USP13: variants seen among roughly 807,000 people sequenced by gnomAD.
USP13 encodes the protein ubiquitin specific peptidase 13.
In USP13, 68 loss-of-function variants were observed where a neutral mutation model predicts 107.8. The observed-to-expected ratio is 0.63, with a 90% CI of 0.52 to 0.77. The LOEUF (loss-of-function observed/expected upper bound fraction) is 0.77, where lower values mean the gene tolerates loss of function less well. Among genes scored for constraint, USP13 ranks in the 30% least tolerant of loss-of-function variants. The pLI is 0.00. For synonymous variants in USP13, 377 were observed against 389.5 expected (o/e 0.97, Z 0.38); for missense variants, 945 against 1,093.3 (o/e 0.86, Z 1.91).
chr3:179,757,365 A>T (rs1298057250), intron 16 of USP13, among the ~76,000 whole-genome samples: 1 of 152,150 alleles, frequency 6.6e-6, no homozygotes, highest in Non-Finnish European at 1.5e-5. Flanking sequence ...TCTGAGCCCC[A>T]GTTTCCTCAT....
At chr3:179,686,597 C>T (rs367551665) in intron 2 of USP13, among the ~76,000 whole-genome samples, 14 of 152,156 alleles carry the variant, frequency 9.2e-5, no homozygotes, top group South Asian at 2.1e-4. Flanking sequence ...ACAAAACCAA[C>T]GCCACACAAC....
intron 17 of USP13, 22 bp downstream of exon 17, chr3:179,761,277 T>A (rs1415713414): frequency 6.2e-7 from 1 of 1,613,778 alleles, no homozygotes; most frequent in African/African-American, 1.3e-5. Flanking sequence ...GAAAATGGAA[T>A]GGCTTTGGAG....
rs1428345751 is a variant in USP13 at position 179,653,082 on chromosome 3, C to A, written c.-144C>A. Reference sequence around the variant, plus strand: ...CGGTGCCCGCTCCCGCCCCGCAGCCCGCTCTCCCCGCCCGCCCCGGCTCGG... The same window carrying A: ...CGGTGCCCGCTCCCGCCCCGCAGCCAGCTCTCCCCGCCCGCCCCGGCTCGG... On this transcript the variant is annotated 5_prime_UTR_variant, in exon 1 of 21. Coordinates refer to ENST00000263966, the MANE Select transcript of USP13 (RefSeq NM_003940.3). This position sits in a 1 kb window ranked among gnomAD's most constrained non-coding sequence, Gnocchi z 4.0. The A allele has an allele frequency of 1.4e-6, 1 of 690,864 alleles. No homozygotes were observed. Among genetic ancestry groups the A allele is most frequent in the Non-Finnish European group, 1.8e-6 (1 of 562,142 alleles). The allele number at this position is 690,864 out of a possible 1,614,324, so 42.8% of individuals were successfully genotyped here.
intron 1 of USP13, among the ~76,000 whole-genome samples, chr3:179,673,375 G>A (rs1056096674): frequency 7.2e-6 from 1 of 138,184 alleles, no homozygotes; most frequent in African/African-American, 2.8e-5. Flanking sequence ...TTGGGATTCA[G>A]TGGTGAATAT....
chr3:179,681,972 T>C lies in USP13; in HGVS notation c.263T>C (p.Val88Ala). Residue 88 changes from valine (V) to alanine (A), a missense_variant, in exon 2 of 21, where the codon GTA becomes GCA. By Grantham distance (64) the Val-to-Ala change is moderately conservative. Coordinates refer to ENST00000263966, the MANE Select transcript of USP13 (RefSeq NM_003940.3). The stretch of plus-strand genomic sequence containing the variant: ...CATTTTCGAAAAACTGGACAGAGTG[T>C]ATACATGCACCTGAAAAGACATGTG... ...ERHFRKTGQS[V>A]YMHLKRHVRE... 6.2e-7 allele frequency: 1 copy of C among 1,613,992 alleles called. No individual in the cohort carries two copies. The highest frequency in any genetic ancestry group is 8.5e-7 in the Non-Finnish European group (1 of 1,179,934).
intron 1 of USP13, among the ~76,000 whole-genome samples, chr3:179,668,375 A>G (rs140583319): frequency 3.3e-5 from 5 of 152,160 alleles, no homozygotes; most frequent in Non-Finnish European, 7.3e-5. Context: ...AGTAAGGCCT[A>G]TACTCTCCTG....
chr3:179,680,754 G>C (rs1043117503), intron 1 of USP13, among the ~76,000 whole-genome samples: 1 of 152,076 alleles, frequency 6.6e-6, no homozygotes, highest in African/African-American at 2.4e-5. Flanking sequence ...TGTTGGCCAG[G>C]CTGTTCTTGA....
rs758009109 is a variant in USP13 at position 179,764,037 on chromosome 3, G to C, written c.2128G>C (p.Gly710Arg). ...AEPLTMPGYG[G>R]AASAGASVFG... Reference sequence around the variant, plus strand: ...GCCGCTGACCATGCCTGGTTATGGAGGGGCAGCTTCTGCTGGAGCCTCTGT... The same window carrying C: ...GCCGCTGACCATGCCTGGTTATGGACGGGCAGCTTCTGCTGGAGCCTCTGT... The change falls in exon 18 of 21, where the codon GGG (glycine) becomes CGG (arginine). Residue 710 changes from glycine to arginine, a missense_variant. Gly to Arg is a moderately radical substitution (Grantham distance 125, BLOSUM62 -2). Coordinates refer to ENST00000263966, the MANE Select transcript of USP13 (RefSeq NM_003940.3). 6 of 1,613,850 alleles carry C rather than the reference G, an allele frequency of 3.7e-6. No homozygotes were observed. Among genetic ancestry groups the C allele is most frequent in the Non-Finnish European group, 5.1e-6 (6 of 1,179,928 alleles).
intron 8 of USP13, among the ~76,000 whole-genome samples, chr3:179,724,416 C>T (rs1713438427): frequency 7.0e-6 from 1 of 142,836 alleles, no homozygotes; most frequent in African/African-American, 2.7e-5. Flanking sequence ...CGAGATTGCT[C>T]TACTGCACTC....
chr3:179,727,184 T>TTA (rs1491526974), intron 8 of USP13, among the ~76,000 whole-genome samples: 1 of 125,706 alleles, frequency 8.0e-6, no homozygotes, highest in African/African-American at 3.3e-5. Context: ...TTTTTTTTTT[T>TTA]AATTGATCAT....
chr3:179,782,287 C>T (rs1247381558), intron 20 of USP13, among the ~76,000 whole-genome samples: 2 of 152,184 alleles, frequency 1.3e-5, no homozygotes, highest in Admixed American at 1.3e-4. Flanking sequence ...CATGCTTCTA[C>T]TGAAATTTCT....
chr3:179,744,697 ATCC>A (rs1243662411), intron 12 of USP13, among the ~76,000 whole-genome samples: 1 of 152,198 alleles, frequency 6.6e-6, no homozygotes, highest in Non-Finnish European at 1.5e-5. Context: ...CATTTGAATA[ATCC>A]CAGTATTGGC....
In USP13 at chr3:179,742,337, G is replaced by A. The variant is rs201509551; in HGVS notation, c.1521G>A (p.Ala507=). The change falls in exon 12 of 21, where the codon GCG becomes GCA. Residue 507 remains alanine, a synonymous_variant. Coordinates refer to ENST00000263966, the MANE Select transcript of USP13 (RefSeq NM_003940.3). The surrounding 1 kb of genome is among the most constrained non-coding windows in gnomAD (Gnocchi z 5.0). ...YLMQLPVAME[A]ATNKDELIAY... ...TGCAGTTACCTGTGGCCATGGAGGC[G>A]GCAACCAACAAGGGTAACAATTCCA... 47 of 1,614,154 alleles carry A rather than the reference G, an allele frequency of 2.9e-5. No homozygotes were observed. The East Asian group carries it at 4.7e-4, about 16-fold the overall frequency.
In USP13 at chr3:179,761,202, A is replaced by G. The variant is rs148697387; in HGVS notation, c.2039A>G (p.Asn680Ser). The stretch of plus-strand genomic sequence containing the variant: ...CGCAAGGCTGTGTACTTCACTGGAA[A>G]TATGGGCGCCGAGGTGGCCTTCAAC... ...ACRKAVYFTG[N>S]MGAEVAFNWI... The change falls in exon 17 of 21, where the codon AAT becomes AGT. Residue 680 changes from asparagine (N) to serine (S), a missense_variant. Coordinates refer to ENST00000263966, the MANE Select transcript of USP13 (RefSeq NM_003940.3). 1 of 1,614,192 alleles carries G rather than the reference A, an allele frequency of 6.2e-7. No homozygotes were observed. The highest frequency in any genetic ancestry group is 8.5e-7 in the Non-Finnish European group (1 of 1,180,040).
Position 179,730,221 on chromosome 3 carries a change from A to G in USP13, c.1121A>G (p.Tyr374Cys). 6.2e-7 allele frequency: 1 copy of G among 1,612,842 alleles called. No homozygotes were observed. The highest frequency in any genetic ancestry group is 8.5e-7 in the Non-Finnish European group (1 of 1,179,776). Residue 374 changes from tyrosine to cysteine, a missense_variant, in exon 9 of 21, where the codon TAC becomes TGC. By Grantham distance (194) the Tyr-to-Cys change is radical (BLOSUM62 -2). Transcript: ENST00000263966. ...YVGNLPRIFD[Y>C]SPLDPTQDFN... The stretch of plus-strand genomic sequence containing the variant: ...GGAAACCTTCCCAGAATATTTGACT[A>G]CTCGCCTTTAGATCCAACACAAGAT...
At chr3:179,685,453 G>A (rs1347070696) in intron 2 of USP13, among the ~76,000 whole-genome samples, 1 of 151,978 alleles carries the variant, frequency 6.6e-6, no homozygotes, top group African/African-American at 2.4e-5. Context: ...GAGAGCAGGA[G>A]GAAGAGAATG....
chr3:179,674,631 T>A (rs932639179), intron 1 of USP13, among the ~76,000 whole-genome samples: 6 of 147,504 alleles, frequency 4.1e-5, no homozygotes, highest in African/African-American at 1.3e-4. Context: ...TTTTTTTTTT[T>A]AATTCTTCTC....
Position 179,728,659 on chromosome 3 carries a change from G to A in USP13, c.1089-1530G>A, listed in dbSNP as rs111898819. On this transcript the variant is annotated intron_variant, in intron 8 of 20. Transcript: ENST00000263966. Reference sequence around the variant, plus strand: ...TGAGAGGTGGATGTTGTAGCGAGCCGAGATCACGCCACTGCACTCCAGCCT... The same window carrying A: ...TGAGAGGTGGATGTTGTAGCGAGCCAAGATCACGCCACTGCACTCCAGCCT... Among the ~76,000 whole-genome samples, 1,079 of 152,240 alleles carry A rather than the reference G, an allele frequency of 7.1e-3. 25 individuals are homozygous for A. Among genetic ancestry groups the A allele is most frequent in the East Asian group, 0.018 (93 of 5,150 alleles).
intron 11 of USP13, among the ~76,000 whole-genome samples, chr3:179,741,149 C>T (rs1334420726): frequency 6.6e-6 from 1 of 151,722 alleles, no homozygotes; most frequent in Admixed American, 6.6e-5. Flanking sequence ...AGGAGAACAT[C>T]AAAATCCCCC....
Sources: gnomAD v4.1 joint callset for allele counts (sites outside exome capture counted in the v4.1 genomes callset) on GRCh38, gnomAD v4.1.1 for gene constraint, Gnocchi (gnomAD v3.1) non-coding constraint, MANE v1.5 for transcripts, NCBI Gene and HGNC (gene_info 2026-07-23, HGNC 2026-07-21) for gene names.